Variants in KMT2C observed in about 807,000 individuals in gnomAD.
The protein encoded by KMT2C is lysine methyltransferase 2C.
A neutral mutation model predicts 507.9 loss-of-function variants in KMT2C; 88 were observed. That is an observed-to-expected ratio of 0.17 (90% CI 0.15 to 0.21). The LOEUF (loss-of-function observed/expected upper bound fraction) is 0.21, where lower values mean the gene tolerates loss of function less well. KMT2C is among the 10% of genes least tolerant of loss of function. KMT2C has a pLI of 1.00. For missense variants in KMT2C, 4,954 were observed against 5,957.8 expected, an observed-to-expected ratio of 0.83 and a Z score of 5.55; for synonymous variants, 2,049 against 2,080.8, an observed-to-expected ratio of 0.98 and a Z score of 0.42.
Position 152,162,447 on chromosome 7 carries a change from T to A in KMT2C, c.11130A>T (p.Glu3710Asp). 1.2e-6 allele frequency: 2 copies of A among 1,614,284 alleles called. No homozygotes were observed. The highest frequency in any genetic ancestry group is 1.7e-6 in the Non-Finnish European group (2 of 1,180,052). ...ANSEVDKLSM[E>D]TPAKTEEIKL... ...TTATCTCTTCTGTTTTGGCAGGGGT[T>A]TCCATGGAGAGCTTGTCTACTTCTG... Residue 3710 changes from glutamate (E) to aspartate (D), a missense_variant, in exon 43 of 59, where the codon GAA becomes GAT. By Grantham distance (45) the Glu-to-Asp change is conservative. Coordinates refer to ENST00000262189, the MANE Select transcript of KMT2C (RefSeq NM_170606.3).
At chr7:152,178,840 T>C (rs1381223807) in intron 37 of KMT2C, among the ~76,000 whole-genome samples, 2 of 152,240 alleles carry the variant, frequency 1.3e-5, no homozygotes, top group Non-Finnish European at 2.9e-5. Context: ...ATTTCCTTAT[T>C]ATAACTAGGG....
intron 5 of KMT2C, among the ~76,000 whole-genome samples, chr7:152,311,098 T>G (rs112948515): frequency 7.2e-6 from 1 of 139,208 alleles, no homozygotes; most frequent in South Asian, 2.5e-4. Flanking sequence ...TTAGTCATTT[T>G]ATTTAAATAT....
At position 152,154,385 on chromosome 7, in the gene KMT2C, A is replaced by G. The variant is rs2129098791; in HGVS notation, c.12021T>C (p.Pro4007=). Residue 4007 remains proline, a synonymous_variant, in exon 47 of 59, where the codon CCT becomes CCC. Transcript: ENST00000262189. ...TPDSFVPSSS[P]ESVVGVEVSR... ...TCACTTCTACCCCAACCACACTCTCAGGAGAGGATGAGGGAACAAAACTGT... is the reference window on the plus strand; with the variant it reads ...TCACTTCTACCCCAACCACACTCTCGGGAGAGGATGAGGGAACAAAACTGT... The G allele has an allele frequency of 1.2e-6, 2 of 1,614,092 alleles. No individual in the cohort carries two copies. The highest frequency in any genetic ancestry group is 1.7e-6 in the Non-Finnish European group (2 of 1,179,958).
intron 1 of KMT2C, among the ~76,000 whole-genome samples, chr7:152,395,346 G>C (rs1346361278): frequency 6.6e-6 from 1 of 151,618 alleles, no homozygotes; most frequent in Non-Finnish European, 1.5e-5. Context: ...CGCACACCTG[G>C]CTTTTCTTTC....
At chr7:152,274,124 G>C (rs2096029969) in intron 6 of KMT2C, among the ~76,000 whole-genome samples, 1 of 151,930 alleles carries the variant, frequency 6.6e-6, no homozygotes, top group Admixed American at 6.6e-5. Context: ...AATAAATTTT[G>C]AAGCATTTTT....
chr7:152,145,244 G>C lies in KMT2C; in HGVS notation c.14083C>G (p.Pro4695Ala), dbSNP rs2129093336. 1 of 1,614,130 alleles carries C rather than the reference G, an allele frequency of 6.2e-7. No homozygotes were observed. The highest frequency in any genetic ancestry group is 8.5e-7 in the Non-Finnish European group (1 of 1,179,992). ...ENYTFRYGRN[P>A]LMELPLAVNP... Reference sequence around the variant, plus strand: ...ACGGCAAGAGGAAGTTCCATGAGAGGATTTCGGCCGTATCGGAAGGTATAA... The same window carrying C: ...ACGGCAAGAGGAAGTTCCATGAGAGCATTTCGGCCGTATCGGAAGGTATAA... The change falls in exon 54 of 59, where the codon CCT becomes GCT. Residue 4695 changes from proline (P) to alanine (A), a missense_variant. Physicochemically the swap from Pro to Ala is conservative, Grantham distance 27. Transcript: ENST00000262189.
At chr7:152,231,640 G>T (rs1437219734) in intron 16 of KMT2C, among the ~76,000 whole-genome samples, 14 of 152,124 alleles carry the variant, frequency 9.2e-5, no homozygotes, top group Non-Finnish European at 1.9e-4. Flanking sequence ...AAACAGCCAA[G>T]CGTGGTGGCA....
intron 9 of KMT2C, among the ~76,000 whole-genome samples, chr7:152,260,773 T>TC (rs1402474706): frequency 4.6e-5 from 7 of 152,234 alleles, no homozygotes; most frequent in African/African-American, 1.7e-4. Flanking sequence ...TAACCAAGAC[T>TC]CCGAAAGATT....
intron 38 of KMT2C, among the ~76,000 whole-genome samples, chr7:152,175,080 G>A (rs77948964): frequency 0.012 from 1,901 of 152,152 alleles, 46 homozygotes; most frequent in African/African-American, 0.044. Flanking sequence ...ATAGAATTGA[G>A]GGAAGTTTGT....
Position 152,361,384 on chromosome 7 carries a change from C to A in KMT2C, c.162-2709G>T, listed in dbSNP as rs576007118. On this transcript the variant is annotated intron_variant, in intron 1 of 58. Transcript: ENST00000262189. ...GACCATCCTGGCTAACACGGTGAAA[C>A]CCCGTCTCTACTAAAAATATACAAA... Among the ~76,000 whole-genome samples, 10 of 152,130 alleles carry A rather than the reference C, an allele frequency of 6.6e-5. No individual in the cohort carries two copies. The East Asian group carries it at 1.7e-3, about 26-fold the overall frequency.
At chr7:152,194,694 C>A in intron 28 of KMT2C, 126 bp from the exon 29 acceptor site, 1 of 624,490 alleles carries the variant, frequency 1.6e-6, no homozygotes, top group Non-Finnish European at 2.5e-6. Flanking sequence ...GTCTGTAATT[C>A]TGAATCAGAA....
chr7:152,230,680 C>T (rs981891050), intron 16 of KMT2C, among the ~76,000 whole-genome samples: 11 of 152,180 alleles, frequency 7.2e-5, no homozygotes, highest in African/African-American at 2.4e-4. Context: ...TTGGGATCTG[C>T]AATGTAGCTA....
intron 9 of KMT2C, among the ~76,000 whole-genome samples, chr7:152,259,524 G>A (rs1411358123): frequency 1.3e-5 from 2 of 150,008 alleles, no homozygotes; most frequent in African/African-American, 4.9e-5. Context: ...CAGTGACAAT[G>A]AAATGCTAAC....
At chr7:152,388,416 G>A (rs1377132369) in intron 1 of KMT2C, among the ~76,000 whole-genome samples, 13 of 151,964 alleles carry the variant, frequency 8.6e-5, no homozygotes, top group African/African-American at 2.2e-4. Flanking sequence ...AAAATTAGCC[G>A]GGCATGGTGG....
chr7:152,309,091 C>T (rs1015733388), intron 6 of KMT2C, among the ~76,000 whole-genome samples: 7 of 151,990 alleles, frequency 4.6e-5, no homozygotes, highest in Admixed American at 6.6e-5. Flanking sequence ...AGAGGTAGTC[C>T]ACATTATGGA....
intron 31 of KMT2C, among the ~76,000 whole-genome samples, chr7:152,189,891 T>C (rs2093737919): frequency 6.6e-6 from 1 of 152,196 alleles, no homozygotes; most frequent in African/African-American, 2.4e-5. Context: ...GGTCCCCAAC[T>C]CTGGGGCCAC....
rs1412621659 is a variant in KMT2C, at chr7:152,358,653, C to A, written c.184G>T (p.Ala62Ser). ...TCCATGCTGTCCTCATCTTCCACTG[C>A]AGTTTTCCCCCTACTTCGAGGTCTA... ...RKKPRSRGKT[A>S]VEDEDSMDGL... The change falls in exon 2 of 59, where the codon GCA becomes TCA. Residue 62 changes from alanine to serine, a missense_variant. Ala to Ser is a moderately conservative substitution (Grantham distance 99). Around this residue, in one of 29 missense-constraint regions of KMT2C, gnomAD observed 233 missense variants for 263.6 expected, o/e 0.88. Coordinates refer to ENST00000262189, the MANE Select transcript of KMT2C (RefSeq NM_170606.3). 9 of 1,604,522 alleles carry A rather than the reference C, an allele frequency of 5.6e-6. No individual in the cohort carries two copies. The highest frequency in any genetic ancestry group is 1.1e-5 in the South Asian group (1 of 89,568).
At chr7:152,275,409 T>C (rs111696867) in intron 6 of KMT2C, among the ~76,000 whole-genome samples, 3 of 152,266 alleles carry the variant, frequency 2.0e-5, no homozygotes, top group African/African-American at 7.2e-5. Flanking sequence ...CCAGACGTGG[T>C]GGCGGGCGCC....
chr7:152,411,710 CCT>C (rs2097686617), intron 1 of KMT2C, among the ~76,000 whole-genome samples: 1 of 152,340 alleles, frequency 6.6e-6, no homozygotes, highest in East Asian at 1.9e-4. Flanking sequence ...AAGAACTTCC[CCT>C]GTCTACTGCT....
Sources: allele counts gnomAD v4.1 joint callset (sites outside exome capture counted in the v4.1 genomes callset), GRCh38; gene constraint gnomAD v4.1.1; regional missense constraint gnomAD v4.1.1; transcripts MANE v1.5; gene names NCBI Gene and HGNC (gene_info 2026-07-23, HGNC 2026-07-21).